The following CCDC3 variants were observed in gnomAD, a reference collection of about 807,000 sequenced individuals.
CCDC3 encodes the protein coiled-coil domain containing 3.
Under a neutral mutation model 21.4 loss-of-function variants are expected in CCDC3, and 24 were observed. The ratio of observed to expected loss-of-function variants is 1.12; its 90% CI spans 0.81 to 1.58. The LOEUF (loss-of-function observed/expected upper bound fraction) is 1.58, where lower values mean the gene tolerates loss of function less well. Ranked by LOEUF, CCDC3 falls within the 40% of genes most tolerant of loss-of-function variation. The pLI, the probability that CCDC3 is intolerant of heterozygous loss-of-function variation, is 0.00. For missense variants in CCDC3, 425 were observed against 360.9 expected (o/e 1.18, Z -1.44); for synonymous variants, 186 against 166.0 (o/e 1.12, Z -0.93).
At chr10:12,941,658 A>G (rs1031598883) in intron 2 of CCDC3, among the ~76,000 whole-genome samples, 11 of 152,236 alleles carry the variant, frequency 7.2e-5, no homozygotes, top group African/African-American at 2.7e-4. Flanking sequence ...AAGCTAAGAC[A>G]TACTAAATTA....
chr10:13,021,475 G>A (rs938119312), intron 5 of CCDC3, among the ~76,000 whole-genome samples: 18 of 152,188 alleles, frequency 1.2e-4, no homozygotes, highest in African/African-American at 3.9e-4. Flanking sequence ...ACTCTGACAA[G>A]AGCTCTTTCC....
At chr10:13,053,971 C>T (rs1401976124) in intron 4 of CCDC3, among the ~76,000 whole-genome samples, 3 of 152,012 alleles carry the variant, frequency 2.0e-5, no homozygotes, top group African/African-American at 7.2e-5. Context: ...ATGGCAAAAG[C>T]CCATCTCTAC....
intron 2 of CCDC3, among the ~76,000 whole-genome samples, chr10:12,953,382 G>C (rs1345935409): frequency 6.6e-6 from 1 of 152,110 alleles, no homozygotes; most frequent in Non-Finnish European, 1.5e-5. Flanking sequence ...AACCCTATCA[G>C]ACCCCCTCCC....
intron 4 of CCDC3, among the ~76,000 whole-genome samples, chr10:13,051,681 G>A (rs892125700): frequency 6.6e-6 from 1 of 152,138 alleles, no homozygotes; most frequent in African/African-American, 2.4e-5. Flanking sequence ...GGGCAAGGCT[G>A]GGGTAGAAGG....
At chr10:12,932,844 C>T (rs554214889) in intron 2 of CCDC3, among the ~76,000 whole-genome samples, 47 of 152,196 alleles carry the variant, frequency 3.1e-4, no homozygotes, top group Middle Eastern at 3.4e-3. Context: ...CCCTCTACTC[C>T]GAGTTTGCTG....
chr10:12,940,971 C>T (rs1425558824), intron 2 of CCDC3, among the ~76,000 whole-genome samples: 1 of 152,050 alleles, frequency 6.6e-6, no homozygotes, highest in Non-Finnish European at 1.5e-5. Flanking sequence ...TGTGGTCAGA[C>T]ATGTATGAAC....
intron 5 of CCDC3, among the ~76,000 whole-genome samples, chr10:13,033,122 G>A (rs1004708906): frequency 6.6e-6 from 1 of 152,184 alleles, no homozygotes; most frequent in African/African-American, 2.4e-5. Flanking sequence ...AAAATAGCAT[G>A]GTACTGGTAC....
chr10:13,065,362 C>CTATTG (rs1836809631), intron 4 of CCDC3, among the ~76,000 whole-genome samples: 2 of 152,164 alleles, frequency 1.3e-5, no homozygotes, highest in African/African-American at 4.8e-5. Context: ...AAACATCCTA[C>CTATTG]TATTGATCAA....
chr10:13,077,062 G>T (rs1480276786), intron 3 of CCDC3, among the ~76,000 whole-genome samples: 3 of 152,198 alleles, frequency 2.0e-5, no homozygotes, highest in Non-Finnish European at 4.4e-5. Flanking sequence ...AAAAGAGGAA[G>T]TCAAATTGTC....
At chr10:12,981,177 A>ATTTTTTTTTTTTTTTTTTTTTTTT (rs59193619) in intron 2 of CCDC3, among the ~76,000 whole-genome samples, 3 of 105,558 alleles carry the variant, frequency 2.8e-5, no homozygotes, top group Non-Finnish European at 5.5e-5. Flanking sequence ...CTGGCCCAGG[A>ATTTTTTTTTTTTTTTTTTTTTTTT]TTTTTTTTTT....
At position 12,944,962 on chromosome 10, in the gene CCDC3, G is replaced by A. The variant is rs113090655; in HGVS notation, c.550-46283C>T. On this transcript the variant is annotated intron_variant, in intron 2 of 2. Coordinates refer to ENST00000378825, the MANE Select transcript of CCDC3 (RefSeq NM_031455.4). ...GATGGAAGTTCAGGCTGAGGAAAATGTGTACAAACAACAATTTCATTCTCA... is the reference window on the plus strand; with the variant it reads ...GATGGAAGTTCAGGCTGAGGAAAATATGTACAAACAACAATTTCATTCTCA... Among the ~76,000 whole-genome samples, 1,061 of 152,306 alleles carry A rather than the reference G, an allele frequency of 7.0e-3. 15 individuals are homozygous for A. Among genetic ancestry groups the A allele is most frequent in the African/African-American group, 0.024 (1,006 of 41,580 alleles).
chr10:13,056,328 C>A (rs1355859771), intron 4 of CCDC3, among the ~76,000 whole-genome samples: 1 of 152,168 alleles, frequency 6.6e-6, no homozygotes, highest in Non-Finnish European at 1.5e-5. Flanking sequence ...CAACCTCTTG[C>A]ATTTTATTGG....
intron 4 of CCDC3, among the ~76,000 whole-genome samples, chr10:13,072,889 CAG>C (rs1448482775): frequency 8.1e-6 from 1 of 123,266 alleles, no homozygotes; most frequent in East Asian, 2.6e-4. Flanking sequence ...TTTTTTGAGA[CAG>C]AGTCTCACTC....
rs112601497 is a variant in CCDC3, at chr10:13,080,996, C to T, written c.-502-6896G>A. ...GGGCAGGGCCACCAGGTCCCCTAGGCAACACTAAGTAGGGATGGGGCAGGA... is the reference window on the plus strand; with the variant it reads ...GGGCAGGGCCACCAGGTCCCCTAGGTAACACTAAGTAGGGATGGGGCAGGA... On this transcript the variant is annotated intron_variant, in intron 3 of 6. Transcript: ENST00000378839. Among the ~76,000 whole-genome samples the T allele has an allele frequency of 2.9e-3, 448 of 152,320 alleles. 2 individuals carry two copies. The highest frequency in any genetic ancestry group is 9.9e-3 in the African/African-American group (412 of 41,568).
intron 2 of CCDC3, among the ~76,000 whole-genome samples, chr10:12,972,772 A>T (rs538447377): frequency 1.3e-4 from 19 of 151,862 alleles, no homozygotes; most frequent in African/African-American, 4.1e-4. Flanking sequence ...AGCCGAGATC[A>T]CACCACCGCA....
intron 5 of CCDC3, among the ~76,000 whole-genome samples, chr10:13,046,720 AAAG>A (rs1438444255): frequency 8.3e-5 from 12 of 145,094 alleles, no homozygotes; most frequent in Middle Eastern, 3.5e-3. Context: ...AAAAAAAAAA[AAAG>A]AAGAAGAAGA....
chr10:12,975,655 A>G (rs1835406701), intron 2 of CCDC3, among the ~76,000 whole-genome samples: 2 of 152,254 alleles, frequency 1.3e-5, no homozygotes, highest in African/African-American at 4.8e-5. Context: ...GGTCCTGCTA[A>G]CAGTCATTTT....
intron 2 of CCDC3, among the ~76,000 whole-genome samples, chr10:12,937,108 CTTT>C (rs61592955): frequency 6.7e-6 from 1 of 148,916 alleles, no homozygotes; most frequent in African/African-American, 2.5e-5. Flanking sequence ...TCCCTGTGGA[CTTT>C]TTTTTTTTTA....
intron 5 of CCDC3, among the ~76,000 whole-genome samples, chr10:13,048,435 G>A (rs370931267): frequency 1.3e-5 from 2 of 152,122 alleles, no homozygotes; most frequent in South Asian, 2.1e-4. Context: ...CTTGTGATCT[G>A]CCCACCTCGG....
Sources: gnomAD v4.1 joint callset for allele counts (sites outside exome capture counted in the v4.1 genomes callset) on GRCh38, gnomAD v4.1.1 for gene constraint, MANE v1.5 for transcripts, NCBI Gene and HGNC (gene_info 2026-07-23, HGNC 2026-07-21) for gene names.